Variants in DCC observed in about 807,000 individuals in gnomAD.
DCC encodes the protein netrin receptor DCC.
Under a neutral mutation model 172.5 loss-of-function variants are expected in DCC, and 58 were observed. The ratio of observed to expected loss-of-function variants is 0.34; its 90% CI spans 0.27 to 0.42. DCC has a LOEUF of 0.42. Among genes scored for constraint, DCC ranks in the 10% least tolerant of loss-of-function variants. The pLI is 1.00. For synonymous variants in DCC, 709 were observed against 644.5 expected (o/e 1.10, Z -1.52); for missense variants, 1,740 against 1,791.0 (o/e 0.97, Z 0.51).
chr18:53,209,422 T>G (rs2144563157), intron 11 of DCC, among the ~76,000 whole-genome samples: 1 of 152,338 alleles, frequency 6.6e-6, no homozygotes, highest in South Asian at 2.1e-4. Flanking sequence ...ATTTGGTGTG[T>G]TTAATTCTAT....
At chr18:52,453,602 A>G (rs952855747) in intron 1 of DCC, among the ~76,000 whole-genome samples, 3 of 152,230 alleles carry the variant, frequency 2.0e-5, no homozygotes, top group African/African-American at 7.2e-5. Context: ...TTTAAACTAC[A>G]CAAAATCTTA....
chr18:52,837,118 G>T (rs1447177379), intron 2 of DCC, among the ~76,000 whole-genome samples: 1 of 152,150 alleles, frequency 6.6e-6, no homozygotes, highest in African/African-American at 2.4e-5. Flanking sequence ...AGGGCACCAA[G>T]TCCCTAGGCT....
intron 24 of DCC, among the ~76,000 whole-genome samples, chr18:53,460,743 G>A (rs1230727660): frequency 6.6e-6 from 1 of 152,046 alleles, no homozygotes; most frequent in Non-Finnish European, 1.5e-5. Context: ...ATAAACATAC[G>A]TGTGCATGTG....
intron 4 of DCC, 145 bp from the exon 5 acceptor site, chr18:52,925,089 G>A (rs1468791720): frequency 1.0e-5 from 8 of 784,178 alleles, no homozygotes; most frequent in East Asian, 2.7e-5. Context: ...GGATCAATAA[G>A]TGAGACTTTA....
At chr18:53,515,325 A>G (rs976552075) in intron 27 of DCC, among the ~76,000 whole-genome samples, 2 of 150,036 alleles carry the variant, frequency 1.3e-5, no homozygotes, top group African/African-American at 4.9e-5. Context: ...ATCTATGAGA[A>G]ACCCACAGCC....
intron 1 of DCC, among the ~76,000 whole-genome samples, chr18:52,479,675 CCATT>C: frequency 6.7e-6 from 1 of 150,310 alleles, no homozygotes; most frequent in South Asian, 2.2e-4. Flanking sequence ...GTTAGCTAAT[CCATT>C]CAAGTGTAAT....
At chr18:52,954,351 T>G (rs1186428060) in intron 5 of DCC, among the ~76,000 whole-genome samples, 1 of 152,234 alleles carries the variant, frequency 6.6e-6, no homozygotes. Flanking sequence ...TGTTTGTAAT[T>G]GTCTTAACTA....
intron 7 of DCC, among the ~76,000 whole-genome samples, chr18:53,089,321 A>G (rs1307211710): frequency 6.6e-6 from 1 of 151,992 alleles, no homozygotes; most frequent in Non-Finnish European, 1.5e-5. Flanking sequence ...CCTGACCTCA[A>G]ATGATCTTCC....
chr18:52,554,458 T>C (rs747512315), intron 1 of DCC, among the ~76,000 whole-genome samples: 1 of 152,078 alleles, frequency 6.6e-6, no homozygotes, highest in African/African-American at 2.4e-5. Flanking sequence ...TCTGACAAGA[T>C]GAAATTTAAA....
chr18:52,691,434 T>A (rs1237972944), intron 1 of DCC, among the ~76,000 whole-genome samples: 1 of 152,078 alleles, frequency 6.6e-6, no homozygotes, highest in Non-Finnish European at 1.5e-5. Context: ...AAATTTGAGA[T>A]CAAGGTGTCA....
chr18:52,555,366 C>T (rs551870988), intron 1 of DCC, among the ~76,000 whole-genome samples: 1 of 152,066 alleles, frequency 6.6e-6, no homozygotes, highest in Non-Finnish European at 1.5e-5. Context: ...AGTTCTAATT[C>T]AATTTGCTAT....
chr18:52,815,913 G>C (rs1660759086), intron 2 of DCC, among the ~76,000 whole-genome samples: 1 of 151,920 alleles, frequency 6.6e-6, no homozygotes, highest in African/African-American at 2.4e-5. Flanking sequence ...CCACCAGTTT[G>C]CACATTTACA....
At chr18:53,347,949 G>C (rs1166312933) in intron 15 of DCC, among the ~76,000 whole-genome samples, 2 of 152,076 alleles carry the variant, frequency 1.3e-5, no homozygotes, top group African/African-American at 4.8e-5. Flanking sequence ...AGAATTGTTG[G>C]AGTTACAATT....
At chr18:52,545,226 C>T (rs893778590) in intron 1 of DCC, among the ~76,000 whole-genome samples, 3 of 152,158 alleles carry the variant, frequency 2.0e-5, no homozygotes, top group African/African-American at 7.2e-5. Flanking sequence ...TTGATAGCTT[C>T]TCCCTGGGAA....
intron 1 of DCC, among the ~76,000 whole-genome samples, chr18:52,663,936 C>G (rs1168483934): frequency 6.6e-6 from 1 of 151,354 alleles, no homozygotes; most frequent in Non-Finnish European, 1.5e-5. Context: ...TTCTCACTTT[C>G]CATAGTAGAA....
intron 7 of DCC, among the ~76,000 whole-genome samples, chr18:53,128,935 G>A (rs2144313180): frequency 6.8e-6 from 1 of 146,868 alleles, no homozygotes; most frequent in East Asian, 2.0e-4. Flanking sequence ...CATCCGGGCT[G>A]GAGTGCAGTG....
At chr18:53,507,924 C>T (rs544339670) in intron 27 of DCC, among the ~76,000 whole-genome samples, 23 of 141,754 alleles carry the variant, frequency 1.6e-4, no homozygotes, top group South Asian at 6.7e-4. Context: ...GATGGAGTCT[C>T]GCTCTGTCAC....
chr18:52,642,461 A>G (rs11876919), intron 1 of DCC, among the ~76,000 whole-genome samples: 44,500 of 151,854 alleles, frequency 0.29, 7,317 homozygotes, highest in East Asian at 0.5. Context: ...GTTCCCCAAT[A>G]ACCTATGGAA....
At chr18:52,860,279 G>A (rs564110165) in intron 2 of DCC, among the ~76,000 whole-genome samples, 3 of 152,200 alleles carry the variant, frequency 2.0e-5, no homozygotes, top group Non-Finnish European at 4.4e-5. Flanking sequence ...CACAAAAGCT[G>A]CTTATATATA....
Sources: gnomAD v4.1 joint callset for allele counts (sites outside exome capture counted in the v4.1 genomes callset) on GRCh38, gnomAD v4.1.1 for gene constraint, MANE v1.5 for transcripts, NCBI Gene and HGNC (gene_info 2026-07-23, HGNC 2026-07-21) for gene names.